Variants in TRIM2 observed in about 807,000 individuals in gnomAD.
The protein encoded by TRIM2 is tripartite motif-containing protein 2.
TRIM2 carries 20 observed loss-of-function variants against 75.2 expected under a neutral mutation model. The ratio of observed to expected loss-of-function variants is 0.27; its 90% CI spans 0.19 to 0.39. The LOEUF (loss-of-function observed/expected upper bound fraction) is 0.39, where lower values mean the gene tolerates loss of function less well. Among genes scored for constraint, TRIM2 ranks in the 10% least tolerant of loss-of-function variants. The pLI, the probability that TRIM2 is intolerant of heterozygous loss-of-function variation, is 1.00. For synonymous variants in TRIM2, 373 were observed against 388.3 expected, an observed-to-expected ratio of 0.96 and a Z score of 0.46; for missense variants, 660 against 990.8, an observed-to-expected ratio of 0.67 and a Z score of 4.48.
chr4:153,323,494 G>GT (rs1769450381), intron 9 of TRIM2, among the ~76,000 whole-genome samples: 1 of 151,976 alleles, frequency 6.6e-6, no homozygotes, highest in Non-Finnish European at 1.5e-5. Flanking sequence ...GTTTTGTTTT[G>GT]TTTTTGAGAC....
intron 1 of TRIM2, among the ~76,000 whole-genome samples, chr4:153,162,884 A>G (rs920802904): frequency 1.1e-4 from 16 of 152,322 alleles, no homozygotes; most frequent in African/African-American, 3.6e-4. Flanking sequence ...CCAAGTGATC[A>G]GTTACCACTG....
chr4:153,238,965 C>T (rs4696176), intron 1 of TRIM2, among the ~76,000 whole-genome samples: 45,381 of 151,990 alleles, frequency 0.3, 9,794 homozygotes, highest in African/African-American at 0.62. Flanking sequence ...TATTTGGAGA[C>T]GGAGCCTTTG....
intron 1 of TRIM2, among the ~76,000 whole-genome samples, chr4:153,266,650 T>C (rs1484264028): frequency 1.3e-5 from 2 of 149,568 alleles, no homozygotes; most frequent in East Asian, 3.9e-4. Context: ...CTTTTTTTTT[T>C]TTTTTTGTAT....
rs115998385 is a variant in TRIM2, at chr4:153,274,461, G to C, written c.216-1432G>C. Among the ~76,000 whole-genome samples, 1,430 of 152,268 alleles carry C rather than the reference G, an allele frequency of 9.4e-3. 20 individuals are homozygous for C. The highest frequency in any genetic ancestry group is 0.03 in the African/African-American group (1,263 of 41,552). ...GGATACAGTCTGGGGTTCAGATAAT[G>C]GGTTTGGTTTTGTTCATGTTGAGTT... On this transcript the variant is annotated intron_variant, in intron 2 of 11. Coordinates refer to ENST00000338700, the MANE Select transcript of TRIM2 (RefSeq NM_015271.5).
chr4:153,287,118 C>T (rs1464283008), intron 3 of TRIM2, among the ~76,000 whole-genome samples: 3 of 152,106 alleles, frequency 2.0e-5, no homozygotes, highest in African/African-American at 4.8e-5. Context: ...GCCAGGACTA[C>T]AGGCACACGC....
chr4:153,157,971 T>C (rs983030095), intron 1 of TRIM2, among the ~76,000 whole-genome samples: 1 of 152,246 alleles, frequency 6.6e-6, no homozygotes, highest in Non-Finnish European at 1.5e-5. Flanking sequence ...TCTGGCTTGA[T>C]AATGACAGGT....
chr4:153,239,834 CTTTTTTT>C (rs372940429), intron 1 of TRIM2, among the ~76,000 whole-genome samples: 9 of 117,700 alleles, frequency 7.6e-5, no homozygotes, highest in East Asian at 4.2e-4. Flanking sequence ...CTTTCTTTCT[CTTTTTTT>C]TTTTTTTTTT....
chr4:153,288,963 T>G (rs1761268234), intron 3 of TRIM2, among the ~76,000 whole-genome samples: 1 of 152,116 alleles, frequency 6.6e-6, no homozygotes, highest in African/African-American at 2.4e-5. Context: ...CTATTAATAT[T>G]CTCCATTTAG....
chr4:153,176,277 G>A (rs773835148), intron 1 of TRIM2, among the ~76,000 whole-genome samples: 9 of 151,856 alleles, frequency 5.9e-5, no homozygotes, highest in Admixed American at 2.0e-4. Flanking sequence ...AACACAGTGC[G>A]ACCTCATGTC....
Position 153,168,735 on chromosome 4 carries a change from T to C in TRIM2, c.-49+15465T>C, listed in dbSNP as rs536949253. 4.0e-5 allele frequency among the ~76,000 whole-genome samples: 6 copies of C among 151,226 alleles called. No individual in the cohort carries two copies. In the East Asian group the frequency reaches 7.7e-4, roughly 20 times the overall value. On this transcript the variant is annotated intron_variant, in intron 1 of 11. Transcript: ENST00000437508. Reference sequence around the variant, plus strand: ...ATTGAGTAGGCTTAAAGATATAAAATAGTGTTTCTTAAATTAGGAAGTATA... The same window carrying C: ...ATTGAGTAGGCTTAAAGATATAAAACAGTGTTTCTTAAATTAGGAAGTATA...
At chr4:153,237,659 G>A (rs980511484) in intron 1 of TRIM2, among the ~76,000 whole-genome samples, 2 of 151,806 alleles carry the variant, frequency 1.3e-5, no homozygotes, top group African/African-American at 2.4e-5. Context: ...CAGCCCAGGC[G>A]ACAGTGCGAG....
intron 1 of TRIM2, among the ~76,000 whole-genome samples, chr4:153,266,483 C>T (rs925719249): frequency 1.3e-5 from 2 of 151,944 alleles, no homozygotes; most frequent in African/African-American, 4.8e-5. Context: ...GCTGGGACTA[C>T]AGGTGCGCAC....
intron 1 of TRIM2, among the ~76,000 whole-genome samples, chr4:153,172,164 G>T (rs980487840): frequency 1.3e-5 from 2 of 149,474 alleles, no homozygotes; most frequent in Non-Finnish European, 3.0e-5. Context: ...TAGAAACCAC[G>T]GCATTTATTA....
intron 1 of TRIM2, among the ~76,000 whole-genome samples, chr4:153,237,046 A>G (rs1745222032): frequency 6.6e-6 from 1 of 152,132 alleles, no homozygotes; most frequent in South Asian, 2.1e-4. Context: ...AGGACATTAC[A>G]TTGCTTGTCT....
chr4:153,154,329 C>T (rs1351934834), intron 1 of TRIM2, among the ~76,000 whole-genome samples: 1 of 152,208 alleles, frequency 6.6e-6, no homozygotes, highest in African/African-American at 2.4e-5. Flanking sequence ...CGGTCAGGGG[C>T]TGATAGCCAA....
intron 1 of TRIM2, among the ~76,000 whole-genome samples, chr4:153,222,006 A>AGAGCAAG (rs1346517191): frequency 0.082 from 3,408 of 41,418 alleles, 25 homozygotes; most frequent in South Asian, 0.19. Flanking sequence ...AAGGAAGGAA[A>AGAGCAAG]GAAGGAAGGA....
intron 10 of TRIM2, among the ~76,000 whole-genome samples, chr4:153,324,940 A>G (rs530136909): frequency 7.9e-5 from 12 of 152,324 alleles, no homozygotes; most frequent in Non-Finnish European, 1.3e-4. Flanking sequence ...ACTTACAGAC[A>G]TAATAAAGTT....
At chr4:153,155,990 G>A (rs1003093695) in intron 1 of TRIM2, among the ~76,000 whole-genome samples, 4 of 152,198 alleles carry the variant, frequency 2.6e-5, no homozygotes, top group Non-Finnish European at 2.9e-5. Flanking sequence ...CAGATCTTCT[G>A]ATTTGCCAAG....
chr4:153,338,462 C>G lies in TRIM2; in HGVS notation c.*3496C>G. The G allele has an allele frequency of 1.0e-6, 1 of 985,642 alleles. No individual in the cohort carries two copies. Among genetic ancestry groups the G allele is most frequent in the Non-Finnish European group, 1.2e-6 (1 of 829,834 alleles). 61.1% of individuals were successfully genotyped at this position (985,642 alleles called of 1,614,324 possible). ...GAAAGCTATTTCATGCAAACATTAT[C>G]TAATTTAGCTTAAAAGTGAAAGTGG... is the stretch of plus-strand genomic sequence containing the variant. On this transcript the variant is annotated 3_prime_UTR_variant, in exon 12 of 12. Transcript: ENST00000338700.
Sources: allele counts gnomAD v4.1 joint callset (sites outside exome capture counted in the v4.1 genomes callset), GRCh38; gene constraint gnomAD v4.1.1; transcripts MANE v1.5; gene names NCBI Gene and HGNC (gene_info 2026-07-23, HGNC 2026-07-21).